The following ADARB2 variants were observed in gnomAD, a reference collection of about 807,000 sequenced individuals.
The protein encoded by ADARB2 is inactive double-stranded RNA-specific editase B2.
Under a neutral mutation model 62.2 loss-of-function variants are expected in ADARB2, and 25 were observed. The observed-to-expected ratio is 0.40, with a 90% CI of 0.29 to 0.56. ADARB2 has a LOEUF of 0.56. Ranked by LOEUF, ADARB2 falls within the 20% of genes least tolerant of loss-of-function variation. The pLI is 0.43. For synonymous variants in ADARB2, 572 were observed against 500.8 expected (o/e 1.14, Z -1.90); for missense variants, 1,071 against 1,077.4 (o/e 0.99, Z 0.08).
At chr10:1,427,366 C>A (rs921738526) in intron 1 of ADARB2, among the ~76,000 whole-genome samples, 26 of 152,178 alleles carry the variant, frequency 1.7e-4, no homozygotes, top group African/African-American at 6.0e-4. Flanking sequence ...ATAAAGAACT[C>A]TCAAAACTTA....
chr10:1,361,570 G>T (rs978022130), intron 3 of ADARB2: 2 of 146,470 alleles, frequency 1.4e-5, no homozygotes, highest in South Asian at 4.3e-4. Flanking sequence ...GAAGGCAGGG[G>T]TGTGCCCTAC....
chr10:1,499,367 A>ACTC (rs946447776), intron 1 of ADARB2, among the ~76,000 whole-genome samples: 2 of 151,146 alleles, frequency 1.3e-5, no homozygotes, highest in Admixed American at 1.3e-4. Context: ...ATTACTCATC[A>ACTC]CTCACTTATT....
rs1028666707 is a variant in ADARB2, at chr10:1,363,031, C to T, written c.1074G>A (p.Pro358=). ...APGRARRTPM[P]QEFADSISQL... ...CTGCACCCGCCGCGCCCCTCACCTGCGGCATTGGCGTCCTCCTGGCCCTGC... is the reference window on the plus strand; with the variant it reads ...CTGCACCCGCCGCGCCCCTCACCTGTGGCATTGGCGTCCTCCTGGCCCTGC... Residue 358 remains proline (P), a synonymous_variant, in exon 3 of 10, where the codon CCG becomes CCA. Transcript: ENST00000381312. 2 of 1,383,078 alleles carry T rather than the reference C, an allele frequency of 1.4e-6. No homozygotes were observed. Among genetic ancestry groups the T allele is most frequent in the Non-Finnish European group, 1.9e-6 (2 of 1,066,618 alleles). 85.7% of individuals were successfully genotyped at this position (1,383,078 alleles called of 1,614,324 possible).
rs546790818 is a variant in ADARB2, at chr10:1,322,531, C to A, written c.1077+40497G>T. On this transcript the variant is annotated intron_variant, in intron 3 of 9. Transcript: ENST00000381312. Reference sequence around the variant, plus strand: ...AATGATGAGAAAAGAAGAGATGATACCTATGAGGCTAATATTGAGGAAGGA... The same window carrying A: ...AATGATGAGAAAAGAAGAGATGATAACTATGAGGCTAATATTGAGGAAGGA... Among the ~76,000 whole-genome samples, 7 of 152,156 alleles carry A rather than the reference C, an allele frequency of 4.6e-5. No individual in the cohort carries two copies. In the East Asian group the frequency reaches 7.7e-4, roughly 17 times the overall value.
intron 1 of ADARB2, among the ~76,000 whole-genome samples, chr10:1,393,417 C>G (rs1832586913): frequency 6.6e-6 from 1 of 152,192 alleles, no homozygotes; most frequent in Non-Finnish European, 1.5e-5. Flanking sequence ...ATTATTGGCT[C>G]TATTCATCCT....
chr10:1,293,173 GA>G (rs1216232864), intron 3 of ADARB2, among the ~76,000 whole-genome samples: 8 of 55,658 alleles, frequency 1.4e-4, no homozygotes, highest in African/African-American at 4.6e-4. Context: ...GAAGGGGGGA[GA>G]GGGGGAGAGA....
At chr10:1,528,316 T>A (rs1832176166) in intron 1 of ADARB2, among the ~76,000 whole-genome samples, 1 of 152,234 alleles carries the variant, frequency 6.6e-6, no homozygotes, top group African/African-American at 2.4e-5. Flanking sequence ...CATTTCTGGT[T>A]CCTTTCAAGC....
intron 3 of ADARB2, among the ~76,000 whole-genome samples, chr10:1,274,735 A>G (rs773220428): frequency 6.6e-6 from 1 of 152,230 alleles, no homozygotes; most frequent in African/African-American, 2.4e-5. Flanking sequence ...GAAGGTGCCA[A>G]TATTATCCTT....
chr10:1,414,003 A>G (rs1832780929), intron 1 of ADARB2, among the ~76,000 whole-genome samples: 1 of 152,146 alleles, frequency 6.6e-6, no homozygotes, highest in African/African-American at 2.4e-5. Flanking sequence ...CCAGACCCAC[A>G]TCAGGGGCTC....
At chr10:1,635,783 C>T (rs532657374) in intron 1 of ADARB2, among the ~76,000 whole-genome samples, 2 of 152,316 alleles carry the variant, frequency 1.3e-5, no homozygotes, top group South Asian at 2.1e-4. Flanking sequence ...TCACTCATTT[C>T]GTTCCTTGCA....
intron 1 of ADARB2, among the ~76,000 whole-genome samples, chr10:1,684,984 G>A (rs4880531): frequency 0.041 from 6,251 of 152,258 alleles, 184 homozygotes; most frequent in Middle Eastern, 0.075. Flanking sequence ...CAGAAGCCAA[G>A]GATAGTGTGA....
intron 1 of ADARB2, among the ~76,000 whole-genome samples, chr10:1,655,129 G>A (rs1214336434): frequency 1.3e-5 from 2 of 152,232 alleles, no homozygotes; most frequent in East Asian, 1.9e-4. Flanking sequence ...CCTGCATGGG[G>A]CCTTTCCTTG....
chr10:1,634,180 T>G (rs1271752792), intron 1 of ADARB2, among the ~76,000 whole-genome samples: 1 of 151,856 alleles, frequency 6.6e-6, no homozygotes, highest in Non-Finnish European at 1.5e-5. Context: ...CGCTCCAGAG[T>G]CAGATTCAAG....
At chr10:1,362,695 C>T (rs1023146679) in intron 3 of ADARB2, among the ~76,000 whole-genome samples, 1 of 152,176 alleles carries the variant, frequency 6.6e-6, no homozygotes, top group Non-Finnish European at 1.5e-5. Flanking sequence ...TTACCCGGCA[C>T]GACCATCCGA....
At chr10:1,360,672 G>C (rs1481706954) in intron 3 of ADARB2, among the ~76,000 whole-genome samples, 1 of 152,202 alleles carries the variant, frequency 6.6e-6, no homozygotes, top group Non-Finnish European at 1.5e-5. Flanking sequence ...GTACGAGGGA[G>C]GGTAAAATGG....
chr10:1,612,055 C>T (rs992712665), intron 1 of ADARB2, among the ~76,000 whole-genome samples: 1 of 152,128 alleles, frequency 6.6e-6, no homozygotes, highest in Non-Finnish European at 1.5e-5. Flanking sequence ...GAGGTGGGTT[C>T]GGGCCGACCA....
intron 1 of ADARB2, among the ~76,000 whole-genome samples, chr10:1,578,196 C>T (rs1833047504): frequency 6.6e-6 from 1 of 152,160 alleles, no homozygotes. Flanking sequence ...CCCAGCACTT[C>T]CCGCAGCGGA....
chr10:1,567,541 A>C (rs1832874199), intron 1 of ADARB2, among the ~76,000 whole-genome samples: 2 of 152,116 alleles, frequency 1.3e-5, no homozygotes, highest in Admixed American at 1.3e-4. Context: ...CCCCACTCTG[A>C]AGAGAAAATG....
At chr10:1,211,100 CCCT>C (rs1407554178) in intron 7 of ADARB2, among the ~76,000 whole-genome samples, 1 of 151,810 alleles carries the variant, frequency 6.6e-6, no homozygotes, top group African/African-American at 2.4e-5. Flanking sequence ...CTCCCTCCCT[CCCT>C]CCTATCTATC....
Sources: gnomAD v4.1 joint callset for allele counts (sites outside exome capture counted in the v4.1 genomes callset) on GRCh38, gnomAD v4.1.1 for gene constraint, MANE v1.5 for transcripts, NCBI Gene and HGNC (gene_info 2026-07-23, HGNC 2026-07-21) for gene names.